Variants in CLHC1 observed in about 807,000 individuals in gnomAD.
The protein encoded by CLHC1 is clathrin heavy chain linker domain-containing protein 1.
Under a neutral mutation model 69.5 loss-of-function variants are expected in CLHC1, and 72 were observed. That is an observed-to-expected ratio of 1.04 (90% confidence interval 0.86 to 1.26). The LOEUF (loss-of-function observed/expected upper bound fraction) is 1.26, where lower values mean the gene tolerates loss of function less well. CLHC1 is among the 50% of genes most tolerant of loss of function. CLHC1 has a pLI of 0.00. For missense variants in CLHC1, 790 were observed against 679.3 expected (o/e 1.16, Z -1.81); for synonymous variants, 223 against 224.3 (o/e 0.99, Z 0.05).
chr2:55,179,365 A>T (rs1669698210), intron 11 of CLHC1, among the ~76,000 whole-genome samples: 1 of 152,144 alleles, frequency 6.6e-6, no homozygotes, highest in African/African-American at 2.4e-5. Flanking sequence ...AGTCAACATA[A>T]GGATTAAGTG....
At chr2:55,232,338 A>T (rs1675500036), upstream of CLHC1, 1 of 241,082 alleles carries the variant, frequency 4.1e-6, no homozygotes, top group African/African-American at 2.2e-5. Context: ...AAGGTAGAAG[A>T]AAGCAGTGGA....
At chr2:55,215,057 T>C (rs1023761165) in intron 4 of CLHC1, 12 of 152,226 alleles carry the variant, frequency 7.9e-5, no homozygotes, top group African/African-American at 2.9e-4. Context: ...ATCAGTATCT[T>C]TCACATATTT....
rs1265623097 is a variant in CLHC1, at chr2:55,223,240, A to G, written c.-82-747T>C. Among the ~76,000 whole-genome samples the G allele has an allele frequency of 2.6e-5, 4 of 152,258 alleles. No individual in the cohort carries two copies. The East Asian group carries it at 7.7e-4, about 29-fold the overall frequency. On this transcript the variant is annotated intron_variant, in intron 2 of 12. Coordinates refer to ENST00000401408, the MANE Select transcript of CLHC1 (RefSeq NM_152385.4). Reference sequence around the variant, plus strand: ...AGCACACAATAGCAATAAATAATGTATTTATTTTTATAATAAACTTTATTT... The same window carrying G: ...AGCACACAATAGCAATAAATAATGTGTTTATTTTTATAATAAACTTTATTT...
chr2:55,209,280 A>T, intron 7 of CLHC1, 124 bp downstream of exon 7: 1 of 633,154 alleles, frequency 1.6e-6, no homozygotes, highest in Non-Finnish European at 2.8e-6. Context: ...ATAGCGTAAC[A>T]GACAACCAGC....
At chr2:55,208,463 T>G (rs1252606335) in intron 8 of CLHC1, among the ~76,000 whole-genome samples, 163 bp downstream of exon 8, 2 of 152,212 alleles carry the variant, frequency 1.3e-5, no homozygotes, top group Non-Finnish European at 2.9e-5. Context: ...AGATTTCAAA[T>G]TTTTGGATTA....
intron 9 of CLHC1, among the ~76,000 whole-genome samples, chr2:55,203,212 T>A (rs1296877294): frequency 2.0e-5 from 3 of 152,152 alleles, no homozygotes; most frequent in Non-Finnish European, 2.9e-5. Flanking sequence ...GAAGAATCAG[T>A]ATTGTTAAAA....
intron 3 of CLHC1, among the ~76,000 whole-genome samples, chr2:55,220,171 A>G (rs941305309): frequency 1.3e-5 from 2 of 152,208 alleles, no homozygotes; most frequent in Non-Finnish European, 2.9e-5. Flanking sequence ...TGATTCAGGT[A>G]TGATTCTCCA....
chr2:55,195,159 T>G (rs773803915), intron 9 of CLHC1, among the ~76,000 whole-genome samples: 12 of 152,152 alleles, frequency 7.9e-5, no homozygotes, highest in Non-Finnish European at 1.6e-4. Context: ...AACTCAAACT[T>G]AGTATCCTCT....
intron 9 of CLHC1, among the ~76,000 whole-genome samples, chr2:55,187,919 C>T (rs1489442919): frequency 6.6e-6 from 1 of 152,018 alleles, no homozygotes; most frequent in African/African-American, 2.4e-5. Flanking sequence ...ATTTATAATA[C>T]ATAAGTAACT....
chr2:55,179,330 GACA>G (rs748859061), intron 11 of CLHC1, among the ~76,000 whole-genome samples: 66 of 151,346 alleles, frequency 4.4e-4, no homozygotes, highest in Admixed American at 9.2e-4. Context: ...TATAAAATGG[GACA>G]ATAACAAAAC....
intron 5 of CLHC1, among the ~76,000 whole-genome samples, chr2:55,210,274 G>A (rs1672860490): frequency 6.6e-6 from 1 of 151,970 alleles, no homozygotes; most frequent in African/African-American, 2.4e-5. Context: ...TCAGCTCACT[G>A]CAACCTCTGC....
At chr2:55,179,076 A>T (rs999694504) in intron 11 of CLHC1, among the ~76,000 whole-genome samples, 1 of 58 alleles carries the variant, frequency 0.017, no homozygotes, top group East Asian at 0.17. Flanking sequence ...CTACAGACCC[A>T]TCCCTAAAAT....
At chr2:55,200,367 G>C (rs1278449795) in intron 9 of CLHC1, among the ~76,000 whole-genome samples, 2 of 151,074 alleles carry the variant, frequency 1.3e-5, no homozygotes. Flanking sequence ...CATTCAAATG[G>C]AAACCAAAAA....
Position 55,175,773 on chromosome 2 carries a change from C to G in CLHC1, c.*17G>C. 6.2e-7 allele frequency: 1 copy of G among 1,601,436 alleles called. No homozygotes were observed. Among genetic ancestry groups the G allele is most frequent in the African/African-American group, 1.3e-5 (1 of 74,680 alleles). ...TAAGGTGTTGTACAAGCTCCCTCAGCTGGTTAAGATATAGAACTACCAAAA... is the reference window on the plus strand; with the variant it reads ...TAAGGTGTTGTACAAGCTCCCTCAGGTGGTTAAGATATAGAACTACCAAAA... On this transcript the variant is annotated 3_prime_UTR_variant, in exon 13 of 13. Transcript: ENST00000401408.
At position 55,175,517 on chromosome 2, in the gene CLHC1, C is replaced by A; in HGVS notation, c.*273G>T. 1 of 385,182 alleles carries A rather than the reference C, an allele frequency of 2.6e-6. No individual in the cohort carries two copies. Among genetic ancestry groups the A allele is most frequent in the Non-Finnish European group, 4.7e-6 (1 of 213,080 alleles). 23.9% of individuals were successfully genotyped at this position (385,182 alleles called of 1,614,324 possible). A position where few individuals can be genotyped will look rare whatever the true frequency, so the allele number is the denominator to read the frequency against. ...AATATATCTGGACATTAGCTTATGT[C>A]CTTAGATAAAAATGCCCTACACTGT... On this transcript the variant is annotated 3_prime_UTR_variant, in exon 13 of 13. Transcript: ENST00000401408.
chr2:55,230,911 A>G (rs550033617), intron 1 of CLHC1, among the ~76,000 whole-genome samples: 1 of 152,342 alleles, frequency 6.6e-6, no homozygotes, highest in Non-Finnish European at 1.5e-5. Context: ...AAGCAACTCT[A>G]GGAAATTTTG....
intron 1 of CLHC1, among the ~76,000 whole-genome samples, chr2:55,229,150 C>A (rs367545285): frequency 4.1e-3 from 441 of 108,194 alleles, no homozygotes; most frequent in South Asian, 6.8e-3. Context: ...GATTCTGTCT[C>A]AAAAAAAAAA....
At chr2:55,191,952 G>C (rs1316356807) in intron 9 of CLHC1, among the ~76,000 whole-genome samples, 1 of 152,002 alleles carries the variant, frequency 6.6e-6, no homozygotes, top group Non-Finnish European at 1.5e-5. Context: ...AATGCACTAA[G>C]ATTGTTCCTA....
intron 9 of CLHC1, among the ~76,000 whole-genome samples, chr2:55,184,541 T>G (rs951263963): frequency 1.3e-5 from 2 of 152,210 alleles, no homozygotes; most frequent in Non-Finnish European, 2.9e-5. Context: ...TTTTATAACA[T>G]TCTATCTTCT....
Sources: gnomAD v4.1 joint callset for allele counts (sites outside exome capture counted in the v4.1 genomes callset) on GRCh38, gnomAD v4.1.1 for gene constraint, MANE v1.5 for transcripts, NCBI Gene and HGNC (gene_info 2026-07-23, HGNC 2026-07-21) for gene names.